Variants in TRIM24 observed in about 807,000 individuals in gnomAD.
TRIM24 encodes transcription intermediary factor 1-alpha.
TRIM24 carries 29 observed loss-of-function variants against 123.9 expected under a neutral mutation model. The observed-to-expected ratio is 0.23, with a 90% confidence interval of 0.17 to 0.32. The LOEUF (loss-of-function observed/expected upper bound fraction) is 0.32. Among genes scored for constraint, TRIM24 ranks in the 10% least tolerant of loss-of-function variants. The probability of loss-of-function intolerance (pLI) is 1.00; values close to 1 mark genes in which losing one functional copy is unlikely to be tolerated. For synonymous variants in TRIM24, 456 were observed against 461.1 expected (o/e 0.99, Z 0.14); for missense variants, 932 against 1,295.3 (o/e 0.72, Z 4.31).
At chr7:138,526,219 T>C (rs1406039964) in intron 5 of TRIM24, among the ~76,000 whole-genome samples, 1 of 152,232 alleles carries the variant, frequency 6.6e-6, no homozygotes, top group African/African-American at 2.4e-5. Context: ...TCTATTATTA[T>C]CATTTTGGAA....
intron 7 of TRIM24, among the ~76,000 whole-genome samples, chr7:138,548,116 T>C (rs1797137393): frequency 6.6e-6 from 1 of 152,136 alleles, no homozygotes; most frequent in Admixed American, 6.5e-5. Context: ...AGTACAGTCA[T>C]GTGTTGCTTG....
At chr7:138,575,459 A>ATTTTT (rs34375724) in intron 12 of TRIM24, among the ~76,000 whole-genome samples, 1,590 of 127,116 alleles carry the variant, frequency 0.013, 25 homozygotes, top group African/African-American at 0.044. Flanking sequence ...GGCCTGGCTA[A>ATTTTT]TTTTTTTTTT....
At chr7:138,553,133 T>C (rs951430606) in intron 8 of TRIM24, among the ~76,000 whole-genome samples, 11 of 152,194 alleles carry the variant, frequency 7.2e-5, no homozygotes, top group Non-Finnish European at 1.0e-4. Flanking sequence ...CATAATGAAG[T>C]TAATATATTT....
In TRIM24 at chr7:138,584,962, C is replaced by G. The variant is rs754169116; in HGVS notation, c.*11C>G. 1 of 1,580,400 alleles carries G rather than the reference C, an allele frequency of 6.3e-7. No homozygotes were observed. Among genetic ancestry groups the G allele is most frequent in the Non-Finnish European group, 8.6e-7 (1 of 1,167,768 alleles). The stretch of plus-strand genomic sequence containing the variant: ...CAGTTGCTTAAATAATATGCAGCAC[C>G]ACTAGCTTGTGCTGGTTTTTAGATT... On this transcript the variant is annotated 3_prime_UTR_variant, in exon 19 of 19. Coordinates refer to ENST00000343526, the MANE Select transcript of TRIM24 (RefSeq NM_015905.3).
intron 5 of TRIM24, among the ~76,000 whole-genome samples, chr7:138,527,219 T>C (rs1217199678): frequency 6.6e-6 from 1 of 152,206 alleles, no homozygotes; most frequent in Admixed American, 6.5e-5. Flanking sequence ...TGTAGTTTTT[T>C]ATAGTAAGTC....
At chr7:138,463,731 A>G (rs1187227352) in intron 1 of TRIM24, among the ~76,000 whole-genome samples, 23 of 152,174 alleles carry the variant, frequency 1.5e-4, no homozygotes, top group Middle Eastern at 3.2e-3. Flanking sequence ...GTTCTGTGTA[A>G]TTACAATCTG....
intron 1 of TRIM24, among the ~76,000 whole-genome samples, chr7:138,476,349 C>T (rs975061825): frequency 4.6e-5 from 7 of 152,132 alleles, no homozygotes; most frequent in Non-Finnish European, 8.8e-5. Flanking sequence ...AATCCCAGCA[C>T]TTTGGGAGGC....
chr7:138,509,295 A>G (rs1305203998), intron 2 of TRIM24, among the ~76,000 whole-genome samples: 2 of 149,370 alleles, frequency 1.3e-5, no homozygotes, highest in African/African-American at 4.9e-5. Context: ...TTTCTCTAGG[A>G]AAAAAAAGTT....
At chr7:138,463,328 C>G (rs1795054764) in intron 1 of TRIM24, among the ~76,000 whole-genome samples, 1 of 152,110 alleles carries the variant, frequency 6.6e-6, no homozygotes, top group Non-Finnish European at 1.5e-5. Context: ...ACAATCTCAG[C>G]TCACTGCAAC....
chr7:138,531,213 GTA>G (rs1491403004), intron 6 of TRIM24, among the ~76,000 whole-genome samples: 3 of 149,576 alleles, frequency 2.0e-5, no homozygotes, highest in East Asian at 3.9e-4. Flanking sequence ...ATGTATACGT[GTA>G]TGTTACATAC....
At position 138,586,122 on chromosome 7, in the gene TRIM24, T is replaced by A. The variant is rs1798014884; in HGVS notation, c.*1171T>A. On this transcript the variant is annotated 3_prime_UTR_variant, in exon 19 of 19. Coordinates refer to ENST00000343526, the MANE Select transcript of TRIM24 (RefSeq NM_015905.3). Reference sequence around the variant, plus strand: ...ATTGATTGATAGAGGTACAAAAGACTTATCTTCTGAGGACAAGCATATTCT... The same window carrying A: ...ATTGATTGATAGAGGTACAAAAGACATATCTTCTGAGGACAAGCATATTCT... 2.8e-6 allele frequency: 1 copy of A among 358,236 alleles called. No individual in the cohort carries two copies. The highest frequency in any genetic ancestry group is 5.5e-6 in the Non-Finnish European group (1 of 181,870). The allele number at this position is 358,236 out of a possible 1,614,324, so 22.2% of individuals were successfully genotyped here. A position where few individuals can be genotyped will look rare whatever the true frequency, so the allele number is the denominator to read the frequency against.
At chr7:138,531,483 C>T (rs576158791) in intron 6 of TRIM24, among the ~76,000 whole-genome samples, 122 of 151,786 alleles carry the variant, frequency 8.0e-4, no homozygotes, top group Admixed American at 2.3e-3. Flanking sequence ...TTTTTTGTCC[C>T]TGCGATAGTT....
At chr7:138,551,283 G>T in intron 8 of TRIM24, 103 bp downstream of exon 8, 1 of 1,005,538 alleles carries the variant, frequency 9.9e-7, no homozygotes, top group Non-Finnish European at 1.5e-6. Context: ...TGGGCACGGT[G>T]GCTCACATCT....
rs767371545 is a variant in TRIM24, at chr7:138,585,892, A to C, written c.*941A>C. 8.3e-5 allele frequency: 43 copies of C among 518,818 alleles called. No individual in the cohort carries two copies. Among genetic ancestry groups the C allele is most frequent in the Non-Finnish European group, 1.4e-4 (37 of 259,828 alleles). 32.1% of individuals were successfully genotyped at this position (518,818 alleles called of 1,614,324 possible). On this transcript the variant is annotated 3_prime_UTR_variant, in exon 19 of 19. Transcript: ENST00000343526. The stretch of plus-strand genomic sequence containing the variant: ...TATACCCTACTGGGCATTAAATATA[A>C]GTTCCTCTGAAAGGGACTCGTTTTT...
At chr7:138,561,087 A>G (rs76378618) in intron 9 of TRIM24, among the ~76,000 whole-genome samples, 2,780 of 152,274 alleles carry the variant, frequency 0.018, 71 homozygotes, top group African/African-American at 0.061. Flanking sequence ...GCAATGTGGC[A>G]AAGGCATATT....
At chr7:138,483,822 G>A (rs112745447) in intron 1 of TRIM24, among the ~76,000 whole-genome samples, 85 of 152,244 alleles carry the variant, frequency 5.6e-4, no homozygotes, top group Middle Eastern at 3.4e-3. Flanking sequence ...AGATTGGCTT[G>A]TTTGAATAAT....
chr7:138,478,054 G>A (rs1320681676), intron 1 of TRIM24, among the ~76,000 whole-genome samples: 1 of 152,140 alleles, frequency 6.6e-6, no homozygotes, highest in Non-Finnish European at 1.5e-5. Context: ...ACTATGCTCT[G>A]CACCTCAGTT....
intron 1 of TRIM24, chr7:138,490,868 C>T (rs985931662): frequency 4.4e-6 from 2 of 449,886 alleles, no homozygotes; most frequent in Non-Finnish European, 8.6e-6. Context: ...TTTCCAGCAT[C>T]TTCTTCTGGA....
rs1378415756 is a variant in TRIM24 at position 138,508,686 on chromosome 7, T to C, written c.483+4278T>C. Among the ~76,000 whole-genome samples, 634 of 85,968 alleles carry C rather than the reference T, an allele frequency of 7.4e-3. 4 individuals carry two copies. Among genetic ancestry groups the C allele is most frequent in the African/African-American group, 0.025 (475 of 19,060 alleles). The allele number at this position is 85,968 out of a possible 152,430, so 56.4% of individuals were successfully genotyped here. A position where few individuals can be genotyped will look rare whatever the true frequency, so the allele number is the denominator to read the frequency against. ...GAGTGTGTGTGTGTGTGTGTGTGTG[T>C]GTGTGTGCGCGCGCGTGTGTGCGTG... is the stretch of plus-strand genomic sequence containing the variant. On this transcript the variant is annotated intron_variant, in intron 2 of 18. Transcript: ENST00000343526.
Sources: allele counts gnomAD v4.1 joint callset (sites outside exome capture counted in the v4.1 genomes callset), GRCh38; gene constraint gnomAD v4.1.1; transcripts MANE v1.5; gene names NCBI Gene and HGNC (gene_info 2026-07-23, HGNC 2026-07-21).